The following IRAG2 variants were observed in gnomAD, a reference collection of about 807,000 sequenced individuals.
IRAG2 encodes lymphoid restricted membrane protein.
A neutral mutation model predicts 69.9 loss-of-function variants in IRAG2; 45 were observed. That is an observed-to-expected ratio of 0.64 (90% CI 0.51 to 0.83). The LOEUF is 0.83. IRAG2 is among the 40% of genes least tolerant of loss of function. The pLI is 0.00. For synonymous variants in IRAG2, 193 were observed against 202.4 expected (o/e 0.95, Z 0.40); for missense variants, 520 against 587.0 (o/e 0.89, Z 1.18).
Position 25,103,992 on chromosome 12 carries a change from T to C in IRAG2, c.997-17T>C. ...TATATTTTATCATTTCTTTTAACAT[T>C]TGAACTTCTACTAAAGGTGGCTGGG... On this transcript the variant is annotated splice_polypyrimidine_tract_variant and intron_variant, in intron 18 of 21. Transcript: ENST00000556887. The C allele has an allele frequency of 3.1e-6, 5 of 1,612,366 alleles. No homozygotes were observed. The highest frequency in any genetic ancestry group is 4.2e-6 in the Non-Finnish European group (5 of 1,178,718).
chr12:25,103,734 G>A, intron 17 of IRAG2, 103 bp from the exon 18 acceptor site: 1 of 793,956 alleles, frequency 1.3e-6, no homozygotes, highest in East Asian at 2.5e-5. Context: ...ACTCAGCTGT[G>A]GTCAAGTACA....
intron 11 of IRAG2, among the ~76,000 whole-genome samples, chr12:25,089,356 C>T (rs1947869421): frequency 1.3e-5 from 2 of 151,936 alleles, no homozygotes; most frequent in Non-Finnish European, 2.9e-5. Flanking sequence ...ACAAATTGGG[C>T]TGTTGCTTGA....
At position 25,079,696 on chromosome 12, in the gene IRAG2, T is replaced by G. The variant is rs1248697232; in HGVS notation, c.177T>G (p.Leu59=). Residue 59 remains leucine (L), a synonymous_variant, in exon 9 of 22, where the codon CTT becomes CTG. Coordinates refer to ENST00000556887, the MANE Select transcript of IRAG2 (RefSeq NM_001366544.2). ...LEILNMASCD[L]DRNSLCKKEE... is the part of the protein sequence containing the mutation. ...TTCTGAATATGGCTTCTTGTGACCT[T>G]GACAGAAACTCGCTCTGTAAGAAAG... The G allele has an allele frequency of 3.7e-6, 6 of 1,613,904 alleles. No homozygotes were observed. The highest frequency in any genetic ancestry group is 4.2e-6 in the Non-Finnish European group (5 of 1,179,914).
At chr12:25,100,988 C>T in intron 15 of IRAG2, 190 bp from the exon 16 acceptor site, 1 of 444,508 alleles carries the variant, frequency 2.2e-6, no homozygotes, top group South Asian at 4.5e-5. Context: ...TCCTTCTATC[C>T]AGCTTTCAAA....
At chr12:25,036,466 A>G in intron 14 of IRAG2, 1 of 395,528 alleles carries the variant, frequency 2.5e-6, no homozygotes, top group Non-Finnish European at 4.5e-6. Flanking sequence ...ATTAGATGCA[A>G]AGGAACGTAT....
intron 6 of IRAG2, among the ~76,000 whole-genome samples, chr12:25,020,203 T>C (rs1309871290): frequency 6.6e-6 from 1 of 152,278 alleles, no homozygotes. Context: ...TGGATTACCA[T>C]AATTCATTTA....
upstream of IRAG2, among the ~76,000 whole-genome samples, chr12:24,999,825 A>G (rs1944377966): frequency 6.6e-6 from 1 of 152,116 alleles, no homozygotes; most frequent in African/African-American, 2.4e-5. Context: ...AGCTAAAAAA[A>G]AAAAAAATAC....
intron 8 of IRAG2, among the ~76,000 whole-genome samples, chr12:25,026,601 G>A (rs1189133007): frequency 6.6e-6 from 1 of 152,150 alleles, no homozygotes; most frequent in Non-Finnish European, 1.5e-5. Context: ...TTAAGGTAAT[G>A]GAGGGGCTGC....
chr12:25,090,430 A>C (rs995453201), intron 14 of IRAG2, among the ~76,000 whole-genome samples: 9 of 151,508 alleles, frequency 5.9e-5, no homozygotes, highest in African/African-American at 2.2e-4. Flanking sequence ...CTGTAGTCCC[A>C]GCTACTTGGG....
rs368524903 is a variant in IRAG2, at chr12:25,107,820, T to C, written c.1260T>C (p.Tyr420=). 3.0e-5 allele frequency: 49 copies of C among 1,612,592 alleles called. No individual in the cohort carries two copies. Among genetic ancestry groups the C allele is most frequent in the Non-Finnish European group, 3.9e-5 (46 of 1,178,610 alleles). ...TCTATTTGTGTTTTCCTTATAGTTA[T>C]GACACAATAGCTTCCTGGGCAACAA... ...NPSKWDVSSV[Y]DTIASWATNL... The change falls in exon 22 of 22, where the codon TAT becomes TAC. Residue 420 remains tyrosine, a synonymous_variant. Transcript: ENST00000556887.
chr12:25,008,122 G>T (rs891066597), intron 2 of IRAG2, among the ~76,000 whole-genome samples: 2 of 152,106 alleles, frequency 1.3e-5, no homozygotes, highest in African/African-American at 4.8e-5. Flanking sequence ...TGAAGGCCTA[G>T]ACCTATATTT....
chr12:25,059,477 G>C (rs1364532936), intron 1 of IRAG2, among the ~76,000 whole-genome samples: 1 of 151,920 alleles, frequency 6.6e-6, no homozygotes, highest in Non-Finnish European at 1.5e-5. Flanking sequence ...TCAGCCTCCT[G>C]AGTAGGTGGG....
chr12:25,082,758 A>G (rs1947312115), intron 9 of IRAG2, among the ~76,000 whole-genome samples: 1 of 152,132 alleles, frequency 6.6e-6, no homozygotes, highest in South Asian at 2.1e-4. Flanking sequence ...CGCTTTAAAT[A>G]TTTTTCTCTT....
At chr12:25,056,396 C>A (rs1242383535) in intron 1 of IRAG2, among the ~76,000 whole-genome samples, 4 of 152,116 alleles carry the variant, frequency 2.6e-5, no homozygotes, top group African/African-American at 9.7e-5. Context: ...ATGAAAAATG[C>A]AGATATGGAG....
upstream of IRAG2, among the ~76,000 whole-genome samples, chr12:25,000,435 G>A (rs1256050988): frequency 6.6e-6 from 1 of 151,126 alleles, no homozygotes; most frequent in Non-Finnish European, 1.5e-5. Context: ...TGACAGAGGG[G>A]GCACCATATC....
intron 9 of IRAG2, among the ~76,000 whole-genome samples, chr12:25,081,110 C>A (rs1301725545): frequency 3.9e-5 from 6 of 152,034 alleles, no homozygotes; most frequent in Non-Finnish European, 8.8e-5. Flanking sequence ...TAAAATAGAA[C>A]AATTTTGACA....
chr12:25,100,939 A>G, intron 15 of IRAG2: 1 of 316,882 alleles, frequency 3.2e-6, no homozygotes. Context: ...TGCCTTTTTT[A>G]GGGTTCAGCT....
chr12:25,068,282 T>C (rs529842504), intron 5 of IRAG2, among the ~76,000 whole-genome samples: 1 of 152,308 alleles, frequency 6.6e-6, no homozygotes, highest in East Asian at 1.9e-4. Context: ...CAAAGTCTAT[T>C]TTAAAGGATA....
At chr12:25,044,359 GA>G (rs375291615) in intron 16 of IRAG2, among the ~76,000 whole-genome samples, 14 of 151,392 alleles carry the variant, frequency 9.2e-5, no homozygotes, top group African/African-American at 3.4e-4. Flanking sequence ...GGAAAAGAGG[GA>G]AAAAATAACT....
Sources: allele counts gnomAD v4.1 joint callset (sites outside exome capture counted in the v4.1 genomes callset), GRCh38; gene constraint gnomAD v4.1.1; transcripts MANE v1.5; gene names NCBI Gene and HGNC (gene_info 2026-07-23, HGNC 2026-07-21).